NWD2: variants seen among roughly 807,000 people sequenced by gnomAD.
NWD2 encodes NACHT and WD repeat domain-containing protein 2.
A neutral mutation model predicts 132.7 loss-of-function variants in NWD2; 37 were observed. The ratio of observed to expected loss-of-function variants is 0.28; its 90% confidence interval spans 0.21 to 0.37. The LOEUF (loss-of-function observed/expected upper bound fraction) is 0.37, where lower values mean the gene tolerates loss of function less well. NWD2 is among the 10% of genes least tolerant of loss of function. NWD2 has a pLI of 1.00. For missense variants in NWD2, 1,592 were observed against 2,122.4 expected, an observed-to-expected ratio of 0.75 and a Z score of 4.91; for synonymous variants, 705 against 803.0, an observed-to-expected ratio of 0.88 and a Z score of 2.06.
intron 3 of NWD2, among the ~76,000 whole-genome samples, chr4:37,375,594 AGT>A (rs1720330997): frequency 1.5e-5 from 2 of 132,940 alleles, no homozygotes; most frequent in Non-Finnish European, 3.1e-5. Context: ...TCCGAGACGG[AGT>A]CTGGCTCTGT....
chr4:37,247,703 G>A (rs1054183909), intron 1 of NWD2, among the ~76,000 whole-genome samples: 3 of 150,828 alleles, frequency 2.0e-5, no homozygotes, highest in African/African-American at 7.3e-5. Context: ...TCCACCTCCC[G>A]GCTCCAAGCT....
At chr4:37,271,167 A>G (rs1717864331) in intron 1 of NWD2, among the ~76,000 whole-genome samples, 1 of 151,836 alleles carries the variant, frequency 6.6e-6, no homozygotes, top group Non-Finnish European at 1.5e-5. Context: ...TCTTGAGATT[A>G]GATAGTGTAA....
chr4:37,430,895 G>A (rs1712158782), intron 4 of NWD2, 120 bp downstream of exon 4: 1 of 819,198 alleles, frequency 1.2e-6, no homozygotes. Context: ...CTCTGCCCTA[G>A]GCCCCAGGTT....
In NWD2 at chr4:37,244,842, G is replaced by T. The variant is rs1717195145; in HGVS notation, c.-226G>T. ...GCGGGCGAAGGCGGAGGCCCAGAAG[G>T]GCAGGAGACCGCCGCGACAGGAGCC... On this transcript the variant is annotated 5_prime_UTR_variant, in exon 1 of 7. Coordinates refer to ENST00000309447, the MANE Select transcript of NWD2 (RefSeq NM_001144990.2). The surrounding 1 kb of genome is among the most constrained non-coding windows in gnomAD (Gnocchi z 5.5). The T allele has an allele frequency of 1.8e-6, 1 of 550,366 alleles. No individual in the cohort carries two copies. Among genetic ancestry groups the T allele is most frequent in the Non-Finnish European group, 3.1e-6 (1 of 317,890 alleles). The allele number at this position is 550,366 out of a possible 1,614,324, so 34.1% of individuals were successfully genotyped here. A position where few individuals can be genotyped will look rare whatever the true frequency, so the allele number is the denominator to read the frequency against.
At chr4:37,401,024 A>G (rs1258363422) in intron 3 of NWD2, among the ~76,000 whole-genome samples, 1 of 152,250 alleles carries the variant, frequency 6.6e-6, no homozygotes, top group East Asian at 1.9e-4. Flanking sequence ...AGGCACAAAC[A>G]GAACAAGTGA....
At chr4:37,377,690 C>T (rs976036812) in intron 3 of NWD2, among the ~76,000 whole-genome samples, 1 of 152,088 alleles carries the variant, frequency 6.6e-6, no homozygotes, top group African/African-American at 2.4e-5. Context: ...GAGATCACGC[C>T]GTTGCACTCC....
chr4:37,346,066 AG>A (rs1719630258), intron 2 of NWD2, among the ~76,000 whole-genome samples: 1 of 143,714 alleles, frequency 7.0e-6, no homozygotes, highest in African/African-American at 2.7e-5. Flanking sequence ...TGGGCAGCAG[AG>A]GGATACTCTG....
chr4:37,412,112 A>G (rs914114146), intron 3 of NWD2, among the ~76,000 whole-genome samples: 4 of 152,206 alleles, frequency 2.6e-5, no homozygotes, highest in African/African-American at 4.8e-5. Flanking sequence ...CCTATTCAAC[A>G]TAGTATTGGA....
At chr4:37,306,299 T>G (rs1043282181) in intron 1 of NWD2, among the ~76,000 whole-genome samples, 2 of 152,120 alleles carry the variant, frequency 1.3e-5, no homozygotes, top group Non-Finnish European at 2.9e-5. Context: ...TCACTGATCT[T>G]TAGTACTTTA....
intron 1 of NWD2, among the ~76,000 whole-genome samples, chr4:37,325,640 C>A (rs1016607369): frequency 6.6e-5 from 10 of 152,094 alleles, no homozygotes; most frequent in African/African-American, 2.4e-4. Context: ...TGTTTAAGAG[C>A]TTAGTGTGAA....
Position 37,267,141 on chromosome 4 carries a change from CTT to C in NWD2, c.151+21926_151+21927del, listed in dbSNP as rs537274996. ...GAAAACTAGTCTAGGTACAAATGGT[CTT>C]TTGGTGCTGGAACCTCTTCTATGAC... On this transcript the variant is annotated intron_variant, in intron 1 of 6. Coordinates refer to ENST00000309447, the MANE Select transcript of NWD2 (RefSeq NM_001144990.2). Among the ~76,000 whole-genome samples, 50 of 152,034 alleles carry C rather than the reference CTT, an allele frequency of 3.3e-4. No individual in the cohort carries two copies. In the South Asian group the frequency reaches 4.2e-3, roughly 13 times the overall value.
intron 2 of NWD2, among the ~76,000 whole-genome samples, chr4:37,350,403 C>G (rs538818013): frequency 1.3e-5 from 2 of 152,218 alleles, no homozygotes; most frequent in South Asian, 4.1e-4. Context: ...TTTCACATCC[C>G]TTGTAAGTTG....
At chr4:37,422,195 C>A (rs1330673533) in intron 3 of NWD2, among the ~76,000 whole-genome samples, 2 of 152,118 alleles carry the variant, frequency 1.3e-5, no homozygotes, top group Non-Finnish European at 2.9e-5. Flanking sequence ...TAACTCAATT[C>A]CTGCAAACAT....
intron 3 of NWD2, among the ~76,000 whole-genome samples, chr4:37,422,673 T>G (rs1711855916): frequency 6.6e-6 from 1 of 152,200 alleles, no homozygotes; most frequent in Admixed American, 6.5e-5. Flanking sequence ...CATTTCAGAG[T>G]GCTTTCACTC....
chr4:37,253,965 C>T (rs1008439325), intron 1 of NWD2, among the ~76,000 whole-genome samples: 13 of 151,866 alleles, frequency 8.6e-5, no homozygotes, highest in African/African-American at 3.1e-4. Context: ...AACCAAATAC[C>T]GCATGTTCTA....
chr4:37,425,640 A>G (rs1251369387), intron 3 of NWD2, among the ~76,000 whole-genome samples: 1 of 152,220 alleles, frequency 6.6e-6, no homozygotes, highest in Non-Finnish European at 1.5e-5. Flanking sequence ...TGTAACTCAT[A>G]AAAGTGGACT....
At chr4:37,262,787 G>A (rs1219827462) in intron 1 of NWD2, among the ~76,000 whole-genome samples, 1 of 152,114 alleles carries the variant, frequency 6.6e-6, no homozygotes, top group East Asian at 1.9e-4. Context: ...TTCATATGTG[G>A]CCTGGGAAGA....
intron 2 of NWD2, among the ~76,000 whole-genome samples, chr4:37,342,521 A>G (rs1719548625): frequency 6.6e-6 from 1 of 152,200 alleles, no homozygotes; most frequent in Non-Finnish European, 1.5e-5. Flanking sequence ...CACTGAAGGA[A>G]GCTGGTCCCC....
At chr4:37,275,104 A>G (rs1377168539) in intron 1 of NWD2, among the ~76,000 whole-genome samples, 1 of 152,188 alleles carries the variant, frequency 6.6e-6, no homozygotes, top group Non-Finnish European at 1.5e-5. Flanking sequence ...AGAAGGAAAT[A>G]AAGGGTATTC....
Sources: allele counts gnomAD v4.1 joint callset (sites outside exome capture counted in the v4.1 genomes callset), GRCh38; gene constraint gnomAD v4.1.1; non-coding constraint Gnocchi (gnomAD v3.1); transcripts MANE v1.5; gene names NCBI Gene and HGNC (gene_info 2026-07-23, HGNC 2026-07-21).